The following SLC35F4 variants were observed in gnomAD, a reference collection of about 807,000 sequenced individuals.
SLC35F4 encodes the protein chromosome 14 open reading frame 36.
Under a neutral mutation model 44.2 loss-of-function variants are expected in SLC35F4, and 24 were observed. The ratio of observed to expected loss-of-function variants is 0.54; its 90% CI spans 0.39 to 0.76. The LOEUF (loss-of-function observed/expected upper bound fraction) is 0.76, where lower values mean the gene tolerates loss of function less well. Among genes scored for constraint, SLC35F4 ranks in the 30% least tolerant of loss-of-function variants. The pLI, the probability that SLC35F4 is intolerant of heterozygous loss-of-function variation, is 0.00. For synonymous variants in SLC35F4, 238 were observed against 223.6 expected (o/e 1.06, Z -0.57); for missense variants, 562 against 586.1 (o/e 0.96, Z 0.42).
chr14:57,711,268 G>A (rs1274777066), intron 1 of SLC35F4, among the ~76,000 whole-genome samples: 1 of 151,992 alleles, frequency 6.6e-6, no homozygotes, highest in Non-Finnish European at 1.5e-5. Flanking sequence ...CTTCCCCTTT[G>A]CCTTCCGCCA....
intron 1 of SLC35F4, among the ~76,000 whole-genome samples, chr14:57,735,832 C>T (rs1383197321): frequency 1.3e-4 from 20 of 151,916 alleles, no homozygotes; most frequent in Admixed American, 1.3e-3. Context: ...AAGCAATTCT[C>T]CACCTCGGCC....
At chr14:57,957,935 A>G (rs960906266) in intron 1 of SLC35F4, among the ~76,000 whole-genome samples, 1 of 152,240 alleles carries the variant, frequency 6.6e-6, no homozygotes, top group Non-Finnish European at 1.5e-5. Flanking sequence ...ATGATTCATT[A>G]TTCACGAATT....
chr14:57,567,569 G>C (rs1402070919), intron 6 of SLC35F4, among the ~76,000 whole-genome samples: 3 of 152,200 alleles, frequency 2.0e-5, no homozygotes, highest in Non-Finnish European at 2.9e-5. Flanking sequence ...CAAGACTTGG[G>C]CTCCTTTATA....
At chr14:57,813,425 A>G (rs2140891386) in intron 1 of SLC35F4, among the ~76,000 whole-genome samples, 1 of 152,246 alleles carries the variant, frequency 6.6e-6, no homozygotes, top group South Asian at 2.1e-4. Flanking sequence ...CCCCATCTCT[A>G]CTAAAAATAC....
At chr14:57,793,561 G>T (rs560544845) in intron 1 of SLC35F4, among the ~76,000 whole-genome samples, 3 of 152,070 alleles carry the variant, frequency 2.0e-5, no homozygotes, top group Non-Finnish European at 2.9e-5. Context: ...TGCTGCAAAA[G>T]ACATTATTTA....
chr14:57,785,551 A>G (rs1181717840), intron 1 of SLC35F4, among the ~76,000 whole-genome samples: 1 of 152,208 alleles, frequency 6.6e-6, no homozygotes, highest in Non-Finnish European at 1.5e-5. Flanking sequence ...TGAAGGAAGC[A>G]GACTGCTCAT....
chr14:57,740,636 T>C (rs1251433447), intron 1 of SLC35F4, among the ~76,000 whole-genome samples: 3 of 152,146 alleles, frequency 2.0e-5, no homozygotes, highest in Non-Finnish European at 4.4e-5. Flanking sequence ...CTAAAATAGC[T>C]AGAAGAGAAG....
intron 1 of SLC35F4, among the ~76,000 whole-genome samples, chr14:57,710,159 G>C (rs879493890): frequency 6.6e-6 from 1 of 152,240 alleles, no homozygotes; most frequent in Non-Finnish European, 1.5e-5. Context: ...ATGGTGTCCT[G>C]TGTCCCAGCT....
At chr14:57,932,954 C>G (rs977906184) in intron 1 of SLC35F4, among the ~76,000 whole-genome samples, 1 of 152,058 alleles carries the variant, frequency 6.6e-6, no homozygotes, top group African/African-American at 2.4e-5. Context: ...TTGAAAACTC[C>G]ACTACCATGG....
At chr14:57,698,865 A>AC in intron 1 of SLC35F4, among the ~76,000 whole-genome samples, 1 of 152,092 alleles carries the variant, frequency 6.6e-6, no homozygotes, top group Non-Finnish European at 1.5e-5. Context: ...ACCTCAGGAG[A>AC]TCCACGCACC....
At chr14:57,661,329 T>C (rs1365269011) in intron 1 of SLC35F4, among the ~76,000 whole-genome samples, 2 of 152,172 alleles carry the variant, frequency 1.3e-5, no homozygotes, top group South Asian at 4.1e-4. Context: ...AAGGGTCTCA[T>C]TACTGTTTGT....
chr14:57,647,490 T>C (rs549475638), intron 1 of SLC35F4, among the ~76,000 whole-genome samples: 52 of 152,026 alleles, frequency 3.4e-4, no homozygotes, highest in African/African-American at 1.2e-3. Context: ...CATGTGGCCA[T>C]TGTCTTGGAA....
chr14:57,747,039 T>C (rs941553798), intron 1 of SLC35F4, among the ~76,000 whole-genome samples: 13 of 152,156 alleles, frequency 8.5e-5, no homozygotes, highest in Non-Finnish European at 1.8e-4. Flanking sequence ...ACTGAGATTT[T>C]TAAAAATATA....
intron 1 of SLC35F4, among the ~76,000 whole-genome samples, chr14:57,946,469 C>CTTTTTTTTTTTTTTTTTTTTTTTT (rs71104596): frequency 3.3e-4 from 26 of 78,210 alleles, no homozygotes; most frequent in Admixed American, 4.7e-4. Flanking sequence ...GTTTTCTTTT[C>CTTTTTTTTTTTTTTTTTTTTTTTT]TTTTTTTTTT....
At chr14:57,803,006 A>G (rs10141900) in intron 1 of SLC35F4, among the ~76,000 whole-genome samples, 25,443 of 136,158 alleles carry the variant, frequency 0.19, 2,660 homozygotes, top group Admixed American at 0.29. Flanking sequence ...AAAAAAAAAA[A>G]GAAATTGCAG....
rs2068082912 is a variant in SLC35F4, at chr14:57,564,027, A to C, written c.*108T>G. 3 of 1,245,142 alleles carry C rather than the reference A, an allele frequency of 2.4e-6. No homozygotes were observed. The South Asian group carries it at 4.7e-5, about 19-fold the overall frequency. The allele number at this position is 1,245,142 out of a possible 1,614,324, so 77.1% of individuals were successfully genotyped here. A position where few individuals can be genotyped will look rare whatever the true frequency, so the allele number is the denominator to read the frequency against. On this transcript the variant is annotated 3_prime_UTR_variant, in exon 8 of 8. Transcript: ENST00000556826. ...TATTGTTGGCATTATTTCACATATG[A>C]TTTATCCAAATTCAGAGTTAATACT... is the stretch of plus-strand genomic sequence containing the variant.
chr14:57,737,173 T>C (rs1445216920), intron 1 of SLC35F4, among the ~76,000 whole-genome samples: 6 of 151,912 alleles, frequency 3.9e-5, no homozygotes, highest in East Asian at 1.9e-4. Flanking sequence ...GGAGATCTTA[T>C]AGGCAAGGTA....
intron 1 of SLC35F4, among the ~76,000 whole-genome samples, chr14:57,855,120 A>T (rs1352173898): frequency 6.6e-6 from 1 of 152,136 alleles, no homozygotes; most frequent in Non-Finnish European, 1.5e-5. Context: ...TGTTCCAGAC[A>T]CTCAATAAAC....
In SLC35F4 at chr14:57,842,140, A is replaced by T. The variant is rs544407895; in HGVS notation, c.103+23583T>A. Reference sequence around the variant, plus strand: ...AAAATAACCATGTTTTTAAAAAGTAATAAATAGTAAACAAATAACATGGCT... The same window carrying T: ...AAAATAACCATGTTTTTAAAAAGTATTAAATAGTAAACAAATAACATGGCT... On this transcript the variant is annotated intron_variant, in intron 1 of 7. Coordinates refer to ENST00000556826, the MANE Select transcript of SLC35F4 (RefSeq NM_001306087.2). Among the ~76,000 whole-genome samples, 4 of 152,332 alleles carry T rather than the reference A, an allele frequency of 2.6e-5. No homozygotes were observed. The East Asian group carries it at 7.7e-4, about 29-fold the overall frequency.
Sources: allele counts gnomAD v4.1 joint callset (sites outside exome capture counted in the v4.1 genomes callset), GRCh38; gene constraint gnomAD v4.1.1; transcripts MANE v1.5; gene names NCBI Gene and HGNC (gene_info 2026-07-23, HGNC 2026-07-21).